Variants in ALG12 observed in about 807,000 individuals in gnomAD.
The protein encoded by ALG12 is ALG12 alpha-1,6-mannosyltransferase.
Under a neutral mutation model 46.0 loss-of-function variants are expected in ALG12, and 36 were observed. That is an observed-to-expected ratio of 0.78 (90% CI 0.60 to 1.03). The LOEUF is 1.03. Ranked by LOEUF, ALG12 falls within the 50% of genes least tolerant of loss-of-function variation. ALG12 has a pLI of 0.00. For synonymous variants in ALG12, 326 were observed against 291.6 expected, an observed-to-expected ratio of 1.12 and a Z score of -1.20; for missense variants, 599 against 633.5, an observed-to-expected ratio of 0.95 and a Z score of 0.58.
the ALG12 span, chr22:49,888,428 CTTA>C: frequency 6.0e-6 from 1 of 167,156 alleles, no homozygotes; most frequent in Non-Finnish European, 1.5e-5. Context: ...AATTAAACTT[CTTA>C]TTTGCAATTT....
chr22:49,895,261 C>T (rs972128064), downstream of ALG12, among the ~76,000 whole-genome samples: 2 of 152,232 alleles, frequency 1.3e-5, no homozygotes, highest in Non-Finnish European at 2.9e-5. Flanking sequence ...CCTGCTCTAA[C>T]ATCCACTCGC....
rs1244247548 is a variant in ALG12, at chr22:49,901,175, GAACA to G, written c.*2659_*2662del. On this transcript the variant is annotated 3_prime_UTR_variant, in exon 10 of 10. Coordinates refer to ENST00000330817, the MANE Select transcript of ALG12 (RefSeq NM_024105.4). Reference sequence around the variant, plus strand: ...TCCACATGTGGCCAGCGATAAAAGAGAACAAACGAGCGTGGATAACCAGTGAATA... The same window carrying G: ...TCCACATGTGGCCAGCGATAAAAGAGAACGAGCGTGGATAACCAGTGAATA... 1 of 152,266 alleles carries G rather than the reference GAACA, an allele frequency of 6.6e-6. No individual in the cohort carries two copies. The highest frequency in any genetic ancestry group is 1.5e-5 in the Non-Finnish European group (1 of 68,050). 9.4% of individuals were successfully genotyped at this position (152,266 alleles called of 1,614,324 possible).
chr22:49,887,280 G>C, the ALG12 span: 15 of 1,290,424 alleles, frequency 1.2e-5, no homozygotes, highest in Non-Finnish European at 1.6e-5. Flanking sequence ...TACGACATCA[G>C]ACCAGGCACT....
At chr22:49,887,468 T>C in the ALG12 span, 1 of 294,680 alleles carries the variant, frequency 3.4e-6, no homozygotes, top group Non-Finnish European at 6.7e-6. Context: ...AAGTTTTGGG[T>C]TAGTAATTTG....
chr22:49,913,521 CGAG>C lies in ALG12; in HGVS notation c.163-7_163-5del. ...CGGGGAACTCAAGATGGTCGTACTG[CGAG>C]GAGAAGGGCAGGTCAGTGCACCGGG... On this transcript the variant is annotated splice_region_variant and splice_polypyrimidine_tract_variant and intron_variant, in intron 2 of 9. Coordinates refer to ENST00000330817, the MANE Select transcript of ALG12 (RefSeq NM_024105.4). The C allele has an allele frequency of 1.2e-6, 2 of 1,613,922 alleles. No homozygotes were observed. Among genetic ancestry groups the C allele is most frequent in the Non-Finnish European group, 1.7e-6 (2 of 1,180,032 alleles).
chr22:49,878,919 C>G, the ALG12 span, among the ~76,000 whole-genome samples: 1 of 151,718 alleles, frequency 6.6e-6, no homozygotes, highest in Non-Finnish European at 1.5e-5. Context: ...CCGAGGCGGG[C>G]AGATCACGAG....
At chr22:49,877,335 A>C in the ALG12 span, among the ~76,000 whole-genome samples, 1 of 151,980 alleles carries the variant, frequency 6.6e-6, no homozygotes, top group Non-Finnish European at 1.5e-5. Flanking sequence ...TCTGTCGCCC[A>C]GGCTGGAGTG....
downstream of ALG12, among the ~76,000 whole-genome samples, chr22:49,899,273 G>C (rs1299740855): frequency 6.6e-6 from 1 of 152,058 alleles, no homozygotes; most frequent in African/African-American, 2.4e-5. Context: ...TCAGGAGTTC[G>C]AGACCAGCCT....
At position 49,903,132 on chromosome 22, in the gene ALG12, C is replaced by T. The variant is rs978600470; in HGVS notation, c.*706G>A. ...CTGACAGCACCAAGCTGTCCCTTTA[C>T]CATAACACCTGGAATAGTCACCTGT... is the stretch of plus-strand genomic sequence containing the variant. On this transcript the variant is annotated 3_prime_UTR_variant, in exon 10 of 10. Transcript: ENST00000330817. 133 of 356,580 alleles carry T rather than the reference C, an allele frequency of 3.7e-4. 3 individuals carry two copies. The highest frequency in any genetic ancestry group is 2.4e-3 in the South Asian group (117 of 47,758). 22.1% of individuals were successfully genotyped at this position (356,580 alleles called of 1,614,324 possible).
chr22:49,886,953 C>T, the ALG12 span: 6 of 1,613,992 alleles, frequency 3.7e-6, no homozygotes, highest in Admixed American at 5.0e-5. The surrounding 1 kb of genome is among the most constrained non-coding windows in gnomAD (Gnocchi z 7.7). Context: ...TTGAACACAG[C>T]TGTGACCCGC....
At chr22:49,871,858 G>A in the ALG12 span, among the ~76,000 whole-genome samples, 98 of 151,638 alleles carry the variant, frequency 6.5e-4, no homozygotes, top group Middle Eastern at 3.4e-3. Flanking sequence ...GGGTTGAAGC[G>A]ATTCTCCTGC....
At position 49,904,365 on chromosome 22, in the gene ALG12, C is replaced by T; in HGVS notation, c.1134G>A (p.Arg378=). 1 of 1,614,210 alleles carries T rather than the reference C, an allele frequency of 6.2e-7. No homozygotes were observed. The highest frequency in any genetic ancestry group is 8.5e-7 in the Non-Finnish European group (1 of 1,180,032). ...TCTGGGGGGGCACCAGCTGGTGCAG[C>T]CTCTGCATTGCGACGCCACCTGGGT... ...FNYPGGVAMQ[R]LHQLVPPQTD... The change falls in exon 8 of 10, where the codon AGG becomes AGA. Residue 378 remains arginine (R), a synonymous_variant. Coordinates refer to ENST00000330817, the MANE Select transcript of ALG12 (RefSeq NM_024105.4).
At chr22:49,875,690 G>T in the ALG12 span, among the ~76,000 whole-genome samples, 1 of 151,800 alleles carries the variant, frequency 6.6e-6, no homozygotes, top group Non-Finnish European at 1.5e-5. Flanking sequence ...CAAAGAGCTG[G>T]GATTACAGGC....
At chr22:49,912,884 C>T (rs189322062) in intron 3 of ALG12, among the ~76,000 whole-genome samples, 42 of 151,760 alleles carry the variant, frequency 2.8e-4, no homozygotes, top group Admixed American at 1.6e-3. Context: ...AAAAAAAAAT[C>T]GGTTTTTAGA....
At chr22:49,908,785 C>G (rs1446520655) in intron 6 of ALG12, among the ~76,000 whole-genome samples, 2 of 150,152 alleles carry the variant, frequency 1.3e-5, no homozygotes, top group Non-Finnish European at 3.0e-5. Flanking sequence ...AACCCCACCT[C>G]TACTAAAAAT....
the ALG12 span, chr22:49,885,163 C>G: frequency 1.8e-4 from 298 of 1,613,946 alleles, no homozygotes; most frequent in Admixed American, 6.8e-4. Flanking sequence ...GATGAGACAT[C>G]TCTACCGGCG....
At chr22:49,886,494 C>T in the ALG12 span, 1 of 1,565,788 alleles carries the variant, frequency 6.4e-7, no homozygotes, top group Non-Finnish European at 8.7e-7. The surrounding 1 kb of genome is among the most constrained non-coding windows in gnomAD (Gnocchi z 7.7). Flanking sequence ...AGGCTGCGAG[C>T]CGGGAGATGA....
the ALG12 span, among the ~76,000 whole-genome samples, chr22:49,872,273 A>G: frequency 1.3e-5 from 2 of 152,208 alleles, no homozygotes; most frequent in Non-Finnish European, 2.9e-5. Flanking sequence ...TTCCATCTCA[A>G]CAAACTAGTT....
At chr22:49,882,288 G>A in the ALG12 span, among the ~76,000 whole-genome samples, 13 of 152,196 alleles carry the variant, frequency 8.5e-5, no homozygotes, top group South Asian at 4.1e-4. Context: ...GCATTGGCTC[G>A]CGCATATAAC....
Sources: allele counts gnomAD v4.1 joint callset (sites outside exome capture counted in the v4.1 genomes callset), GRCh38; gene constraint gnomAD v4.1.1; non-coding constraint Gnocchi (gnomAD v3.1); transcripts MANE v1.5; gene names NCBI Gene and HGNC (gene_info 2026-07-23, HGNC 2026-07-21).